The following FSD1L variants were observed in gnomAD, a reference collection of about 807,000 sequenced individuals.
The protein encoded by FSD1L is fibronectin type III and SPRY domain containing 1 like.
A neutral mutation model predicts 71.6 loss-of-function variants in FSD1L; 45 were observed. That is an observed-to-expected ratio of 0.63 (90% CI 0.49 to 0.81). The LOEUF is 0.81. FSD1L is among the 30% of genes least tolerant of loss of function. The pLI, the probability that FSD1L is intolerant of heterozygous loss-of-function variation, is 0.00. For missense variants in FSD1L, 561 were observed against 618.1 expected (o/e 0.91, Z 0.98); for synonymous variants, 197 against 207.2 (o/e 0.95, Z 0.42).
At chr9:105,525,663 A>C in intron 10 of FSD1L, 1 of 1,610,368 alleles carries the variant, frequency 6.2e-7, no homozygotes, top group Non-Finnish European at 8.5e-7. Flanking sequence ...GGCAGTGCCG[A>C]GAGACACACA....
chr9:105,443,365 T>C (rs1042939279), upstream of FSD1L, among the ~76,000 whole-genome samples: 47 of 152,148 alleles, frequency 3.1e-4, no homozygotes, highest in Admixed American at 3.1e-3. Context: ...CATAAAACCA[T>C]CAGCTCTCGT....
chr9:105,534,220 T>C (rs1836115729), intron 10 of FSD1L, among the ~76,000 whole-genome samples: 1 of 152,218 alleles, frequency 6.6e-6, no homozygotes, highest in Non-Finnish European at 1.5e-5. Flanking sequence ...TAGCATTGTT[T>C]CTTATTTCAG....
intron 1 of FSD1L, among the ~76,000 whole-genome samples, chr9:105,458,377 C>T (rs1356846155): frequency 1.3e-5 from 2 of 152,196 alleles, no homozygotes; most frequent in South Asian, 2.1e-4. Context: ...ACAGCCCTTT[C>T]TGCGCCTGCC....
chr9:105,460,103 C>T (rs867591003), intron 1 of FSD1L, among the ~76,000 whole-genome samples: 13 of 152,154 alleles, frequency 8.5e-5, no homozygotes, highest in African/African-American at 2.7e-4. Flanking sequence ...CATCCACTTT[C>T]TGGGGAAGTA....
chr9:105,520,554 T>G, intron 10 of FSD1L: 3 of 1,275,474 alleles, frequency 2.4e-6, no homozygotes, highest in Non-Finnish European at 3.4e-6. Flanking sequence ...AAAGAATTCA[T>G]CAGCCATGGC....
intron 10 of FSD1L, among the ~76,000 whole-genome samples, chr9:105,533,628 G>A (rs1322300184): frequency 5.3e-5 from 8 of 149,614 alleles, no homozygotes; most frequent in Non-Finnish European, 1.0e-4. Context: ...TCACTGTGTT[G>A]CCCAGGCTGG....
chr9:105,546,662 T>G lies in FSD1L; in HGVS notation c.*179T>G. ...ATTTGCAGGAACCTACTGTGCAGTATCATAGAAGCAAGCAGATACCAAGCA... is the reference window on the plus strand; with the variant it reads ...ATTTGCAGGAACCTACTGTGCAGTAGCATAGAAGCAAGCAGATACCAAGCA... On this transcript the variant is annotated 3_prime_UTR_variant, in exon 14 of 14. Transcript: ENST00000481272. 2.2e-6 allele frequency: 1 copy of G among 444,902 alleles called. No individual in the cohort carries two copies. 27.6% of individuals were successfully genotyped at this position (444,902 alleles called of 1,614,324 possible).
At chr9:105,455,988 G>T (rs1212392774) in intron 1 of FSD1L, among the ~76,000 whole-genome samples, 1 of 152,172 alleles carries the variant, frequency 6.6e-6, no homozygotes, top group Non-Finnish European at 1.5e-5. Context: ...GAAGATGCTG[G>T]TGGGAAACCC....
rs1836138323 is a variant in FSD1L, at chr9:105,534,521, T to C, written c.1054T>C (p.Ser352Pro). The C allele has an allele frequency of 5.8e-6, 9 of 1,550,396 alleles. No individual in the cohort carries two copies. Among genetic ancestry groups the C allele is most frequent in the Non-Finnish European group, 7.9e-6 (9 of 1,145,774 alleles). ...RSGTPSPKRT[S>P]VGSRPPAVRG... The stretch of plus-strand genomic sequence containing the variant: ...TGGTACACCATCCCCAAAACGAACA[T>C]CTGTAGGCTCCAGGCCACCAGCAGT... The change falls in exon 11 of 14, where the codon TCT becomes CCT. Residue 352 changes from serine (S) to proline (P), a missense_variant. Ser to Pro is a moderately conservative substitution (Grantham distance 74). Transcript: ENST00000481272.
At chr9:105,538,139 G>T (rs577744246) in intron 12 of FSD1L, among the ~76,000 whole-genome samples, 44 of 152,290 alleles carry the variant, frequency 2.9e-4, no homozygotes, top group South Asian at 6.2e-4. Context: ...CAGTTAAGTA[G>T]AGCTGACATT....
upstream of FSD1L, among the ~76,000 whole-genome samples, chr9:105,442,900 A>T (rs576901437): frequency 1.9e-4 from 29 of 152,286 alleles, no homozygotes; most frequent in South Asian, 6.0e-3. Flanking sequence ...GCTTCCACCA[A>T]TTGGGTCTAA....
At chr9:105,503,000 C>T (rs1833856681) in intron 7 of FSD1L, among the ~76,000 whole-genome samples, 1 of 151,616 alleles carries the variant, frequency 6.6e-6, no homozygotes, top group East Asian at 1.9e-4. Flanking sequence ...GCCTCAGCCT[C>T]CTGAGTAGCT....
intron 1 of FSD1L, among the ~76,000 whole-genome samples, chr9:105,460,819 G>A (rs1830645209): frequency 1.3e-5 from 2 of 152,164 alleles, no homozygotes; most frequent in African/African-American, 4.8e-5. Context: ...CCCAAAACAT[G>A]AGTGAACGGT....
intron 13 of FSD1L, among the ~76,000 whole-genome samples, chr9:105,540,214 T>G (rs1363140794): frequency 6.6e-6 from 1 of 152,144 alleles, no homozygotes; most frequent in East Asian, 1.9e-4. Context: ...TTAATTTGCA[T>G]TTCCTTGATT....
chr9:105,452,936 C>G (rs1183390444), intron 1 of FSD1L, among the ~76,000 whole-genome samples: 2 of 151,498 alleles, frequency 1.3e-5, no homozygotes, highest in African/African-American at 4.9e-5. Context: ...AGGGTTTTGC[C>G]ATGTTGTCCA....
intron 4 of FSD1L, among the ~76,000 whole-genome samples, chr9:105,469,617 A>C (rs977117718): frequency 6.7e-5 from 10 of 149,822 alleles, no homozygotes; most frequent in Admixed American, 6.6e-4. Context: ...TAATTGGGTT[A>C]CTTGGGGTTT....
intron 11 of FSD1L, 33 bp downstream of exon 11, chr9:105,534,626 C>A: frequency 8.1e-7 from 1 of 1,235,556 alleles, no homozygotes; most frequent in Non-Finnish European, 1.2e-6. Context: ...TTCATTATCT[C>A]AGATTAAAGG....
intron 10 of FSD1L, chr9:105,524,477 C>T (rs28542455): frequency 0.11 from 184,578 of 1,613,390 alleles, 14,178 homozygotes; most frequent in East Asian, 0.47. Context: ...AGACACTGCT[C>T]CAACCATTTC....
intron 7 of FSD1L, among the ~76,000 whole-genome samples, chr9:105,495,824 A>T (rs958762851): frequency 8.6e-5 from 13 of 152,004 alleles, no homozygotes; most frequent in Admixed American, 5.9e-4. Flanking sequence ...AAAATACAAA[A>T]ATTAGCTGGG....
Sources: allele counts gnomAD v4.1 joint callset (sites outside exome capture counted in the v4.1 genomes callset), GRCh38; gene constraint gnomAD v4.1.1; transcripts MANE v1.5; gene names NCBI Gene and HGNC (gene_info 2026-07-23, HGNC 2026-07-21).